UBTD2: variants seen among roughly 807,000 people sequenced by gnomAD.
UBTD2 encodes ubiquitin domain-containing protein 2.
In UBTD2, 9 loss-of-function variants were observed where a neutral mutation model predicts 19.8. The observed-to-expected ratio is 0.46, with a 90% CI of 0.27 to 0.79. The LOEUF is 0.79. Among genes scored for constraint, UBTD2 ranks in the 30% least tolerant of loss-of-function variants. UBTD2 has a pLI of 0.14. For missense variants in UBTD2, 250 were observed against 300.4 expected, an observed-to-expected ratio of 0.83 and a Z score of 1.24; for synonymous variants, 98 against 103.9, an observed-to-expected ratio of 0.94 and a Z score of 0.35.
chr5:172,249,461 TAG>T (rs1314698250), intron 1 of UBTD2, among the ~76,000 whole-genome samples: 1 of 87,160 alleles, frequency 1.1e-5, no homozygotes, highest in Non-Finnish European at 2.5e-5. Context: ...TTCCAAAAAA[TAG>T]AAAGAACACT....
chr5:172,263,851 C>CTATGTGTGTGTGTG (rs1554129979), intron 1 of UBTD2, among the ~76,000 whole-genome samples: 2 of 142,224 alleles, frequency 1.4e-5, no homozygotes, highest in African/African-American at 5.4e-5. Context: ...GCACGTGCCT[C>CTATGTGTGTGTGTG]TGTGTGTGTG....
rs983074184 is a variant in UBTD2 at position 172,210,533 on chromosome 5, A to G, written c.*1297T>C. Reference sequence around the variant, plus strand: ...ACTCCAGTCATAGTATAGAAGAATCAGGTTATCTCCCTGGATTTTTCAGTC... The same window carrying G: ...ACTCCAGTCATAGTATAGAAGAATCGGGTTATCTCCCTGGATTTTTCAGTC... On this transcript the variant is annotated 3_prime_UTR_variant, in exon 3 of 3. Transcript: ENST00000393792. 2.6e-5 allele frequency: 4 copies of G among 152,204 alleles called. No homozygotes were observed. Among genetic ancestry groups the G allele is most frequent in the African/African-American group, 7.2e-5 (3 of 41,446 alleles). The allele number at this position is 152,204 out of a possible 1,614,324, so 9.4% of individuals were successfully genotyped here.
intron 1 of UBTD2, among the ~76,000 whole-genome samples, chr5:172,242,131 T>C (rs1256658403): frequency 6.6e-6 from 1 of 152,206 alleles, no homozygotes; most frequent in African/African-American, 2.4e-5. Flanking sequence ...TCCGCCATGA[T>C]TGTAAGCTCC....
intron 1 of UBTD2, among the ~76,000 whole-genome samples, chr5:172,278,498 A>G (rs928411511): frequency 2.0e-5 from 3 of 150,376 alleles, no homozygotes; most frequent in African/African-American, 7.3e-5. Flanking sequence ...CAGCCTAGGC[A>G]GAGTGAGACT....
intron 1 of UBTD2, among the ~76,000 whole-genome samples, chr5:172,236,831 C>A (rs1303658815): frequency 1.3e-5 from 2 of 152,140 alleles, no homozygotes; most frequent in East Asian, 1.9e-4. Context: ...AAAACCTCTA[C>A]AGAAGAATCT....
chr5:172,264,579 AAAC>A (rs1484344623), intron 1 of UBTD2, among the ~76,000 whole-genome samples: 1 of 151,306 alleles, frequency 6.6e-6, no homozygotes, highest in Non-Finnish European at 1.5e-5. Flanking sequence ...AAAAAAAACA[AAAC>A]AACCCAAGGG....
At chr5:172,228,444 G>C (rs1771815525) in intron 2 of UBTD2, among the ~76,000 whole-genome samples, 1 of 152,184 alleles carries the variant, frequency 6.6e-6, no homozygotes, top group South Asian at 2.1e-4. Flanking sequence ...CATGAGGGTG[G>C]GCACAGTGGC....
At position 172,260,302 on chromosome 5, in the gene UBTD2, T is replaced by C. The variant is rs530014501; in HGVS notation, c.70+23294A>G. On this transcript the variant is annotated intron_variant, in intron 1 of 2. Coordinates refer to ENST00000393792, the MANE Select transcript of UBTD2 (RefSeq NM_152277.3). Reference sequence around the variant, plus strand: ...CCTTACTCTCTCTTAATGTTTTATCTGAAAACTTCTTTCCTCCCTCTTCGA... The same window carrying C: ...CCTTACTCTCTCTTAATGTTTTATCCGAAAACTTCTTTCCTCCCTCTTCGA... Among the ~76,000 whole-genome samples, 5 of 151,800 alleles carry C rather than the reference T, an allele frequency of 3.3e-5. No homozygotes were observed. In the East Asian group the frequency reaches 9.6e-4, roughly 29 times the overall value.
At chr5:172,217,418 C>CAAA (rs35018283) in intron 2 of UBTD2, among the ~76,000 whole-genome samples, 6 of 114,872 alleles carry the variant, frequency 5.2e-5, no homozygotes, top group Admixed American at 1.8e-4. Flanking sequence ...GACTCTGTCT[C>CAAA]AAAAAAAAAA....
At chr5:172,230,624 A>T (rs1026189763) in intron 2 of UBTD2, among the ~76,000 whole-genome samples, 1 of 152,214 alleles carries the variant, frequency 6.6e-6, no homozygotes, top group African/African-American at 2.4e-5. Context: ...AGCTGCAAGT[A>T]ATACGGTAGG....
chr5:172,274,852 C>T (rs994682788), intron 1 of UBTD2, among the ~76,000 whole-genome samples: 11 of 151,916 alleles, frequency 7.2e-5, no homozygotes, highest in East Asian at 1.9e-4. Flanking sequence ...CATCCTAACA[C>T]GGTGAAACCC....
rs534672044 is a variant in UBTD2, at chr5:172,235,601, G to C, written c.71-1243C>G. On this transcript the variant is annotated intron_variant, in intron 1 of 2. Coordinates refer to ENST00000393792, the MANE Select transcript of UBTD2 (RefSeq NM_152277.3). Reference sequence around the variant, plus strand: ...TTCAACCCAAGAGAAGAAGAAAACAGAGGGCAAGTGGCAGCATCTCCCCTT... The same window carrying C: ...TTCAACCCAAGAGAAGAAGAAAACACAGGGCAAGTGGCAGCATCTCCCCTT... Among the ~76,000 whole-genome samples, 26 of 152,282 alleles carry C rather than the reference G, an allele frequency of 1.7e-4. No homozygotes were observed. In the South Asian group the frequency reaches 5.4e-3, roughly 32 times the overall value.
At chr5:172,274,058 G>T (rs1475156490) in intron 1 of UBTD2, among the ~76,000 whole-genome samples, 2 of 151,116 alleles carry the variant, frequency 1.3e-5, no homozygotes, top group Non-Finnish European at 1.5e-5. Context: ...AAATATGAAG[G>T]ATTTTCACCT....
chr5:172,233,879 A>G (rs978231066), intron 2 of UBTD2, among the ~76,000 whole-genome samples: 8 of 152,110 alleles, frequency 5.3e-5, no homozygotes, highest in African/African-American at 1.4e-4. Context: ...TTAGATGATC[A>G]AGAGTTCTTT....
chr5:172,277,707 A>AAACAAC (rs199911959), intron 1 of UBTD2, among the ~76,000 whole-genome samples: 185 of 152,146 alleles, frequency 1.2e-3, no homozygotes, highest in African/African-American at 4.2e-3. Context: ...CTCTATTAAA[A>AAACAAC]AACAACAACA....
intron 2 of UBTD2, among the ~76,000 whole-genome samples, chr5:172,216,310 C>T (rs1052669540): frequency 6.6e-6 from 1 of 151,742 alleles, no homozygotes; most frequent in Non-Finnish European, 1.5e-5. Context: ...ATGATGGGAA[C>T]AGCAGAGAAG....
intron 1 of UBTD2, among the ~76,000 whole-genome samples, chr5:172,280,103 A>C (rs1755679718): frequency 6.8e-6 from 1 of 147,552 alleles, no homozygotes; most frequent in African/African-American, 2.5e-5. Context: ...ACGACGTCTC[A>C]AAAAAAAAAA....
chr5:172,269,820 G>A (rs886442336), intron 1 of UBTD2, among the ~76,000 whole-genome samples: 1 of 150,226 alleles, frequency 6.7e-6, no homozygotes, highest in Admixed American at 6.6e-5. Context: ...GCTCATGCCT[G>A]TAATCCCAGC....
intron 1 of UBTD2, among the ~76,000 whole-genome samples, chr5:172,273,201 T>G (rs903677559): frequency 6.6e-6 from 1 of 152,208 alleles, no homozygotes; most frequent in African/African-American, 2.4e-5. Flanking sequence ...TTAAAGCTTC[T>G]GTCCATAAAA....
Sources: allele counts gnomAD v4.1 joint callset (sites outside exome capture counted in the v4.1 genomes callset), GRCh38; gene constraint gnomAD v4.1.1; transcripts MANE v1.5; gene names NCBI Gene and HGNC (gene_info 2026-07-23, HGNC 2026-07-21).